IQCJ: variants seen among roughly 807,000 people sequenced by gnomAD.
The protein encoded by IQCJ is IQ domain-containing protein J.
A neutral mutation model predicts 11.0 loss-of-function variants in IQCJ; 9 were observed. The observed-to-expected ratio is 0.82, with a 90% CI of 0.49 to 1.43. IQCJ has a LOEUF of 1.43. IQCJ is among the 40% of genes most tolerant of loss of function. The pLI is 0.00. For synonymous variants in IQCJ, 55 were observed against 51.3 expected (o/e 1.07, Z -0.31); for missense variants, 146 against 133.2 (o/e 1.10, Z -0.47).
chr3:159,127,446 T>A (rs1719739498), intron 1 of IQCJ, among the ~76,000 whole-genome samples: 1 of 152,232 alleles, frequency 6.6e-6, no homozygotes, highest in South Asian at 2.1e-4. Flanking sequence ...ATGCTTATAA[T>A]GTATCCTGGT....
chr3:159,217,452 C>T (rs79768054), intron 1 of IQCJ, among the ~76,000 whole-genome samples: 25 of 152,194 alleles, frequency 1.6e-4, no homozygotes, highest in Admixed American at 2.6e-4. Flanking sequence ...GTTTGTAAGA[C>T]ATAATTTCTG....
At chr3:159,216,600 G>A (rs1160446626) in intron 1 of IQCJ, among the ~76,000 whole-genome samples, 4 of 152,144 alleles carry the variant, frequency 2.6e-5, no homozygotes, top group Non-Finnish European at 5.9e-5. Context: ...CCATTATGGT[G>A]CCCTTTGTTT....
intron 1 of IQCJ, among the ~76,000 whole-genome samples, chr3:159,187,219 GA>G (rs1167552057): frequency 3.3e-5 from 5 of 152,220 alleles, no homozygotes; most frequent in African/African-American, 1.2e-4. Context: ...GGTGAACAGA[GA>G]GAAAAGGCTA....
chr3:159,252,579 T>C (rs1727663649), intron 2 of IQCJ, 148 bp from the exon 3 acceptor site: 3 of 646,820 alleles, frequency 4.6e-6, no homozygotes, highest in Non-Finnish European at 7.2e-6. Flanking sequence ...TACTCATCCA[T>C]CATCCATCAA....
intron 1 of IQCJ, among the ~76,000 whole-genome samples, chr3:159,168,027 C>A (rs1722273107): frequency 6.6e-6 from 1 of 152,176 alleles, no homozygotes; most frequent in Non-Finnish European, 1.5e-5. Context: ...CCCAGGTGAG[C>A]TGGCCTTTTT....
chr3:159,155,061 G>A (rs984745170), intron 1 of IQCJ, among the ~76,000 whole-genome samples: 8 of 152,164 alleles, frequency 5.3e-5, no homozygotes, highest in African/African-American at 1.7e-4. Context: ...AAATGAAGCA[G>A]AAATTGCCTA....
chr3:159,246,499 T>C (rs1727279808), intron 2 of IQCJ, among the ~76,000 whole-genome samples: 1 of 152,160 alleles, frequency 6.6e-6, no homozygotes, highest in Non-Finnish European at 1.5e-5. Context: ...CCATGTATAC[T>C]CAGCTAGTGA....
Position 159,262,827 on chromosome 3 carries a change from C to G in IQCJ, c.*96C>G, listed in dbSNP as rs1728296105. The G allele has an allele frequency of 6.8e-7, 1 of 1,462,556 alleles. No individual in the cohort carries two copies. Among genetic ancestry groups the G allele is most frequent in the Admixed American group, 2.4e-5 (1 of 42,294 alleles). 90.6% of individuals were successfully genotyped at this position (1,462,556 alleles called of 1,614,324 possible). A position where few individuals can be genotyped will look rare whatever the true frequency, so the allele number is the denominator to read the frequency against. Reference sequence around the variant, plus strand: ...TGTAGCTTATTTGCTACCCAGGAACCCATGGTGAGAGTTTTGTCACCTCAA... The same window carrying G: ...TGTAGCTTATTTGCTACCCAGGAACGCATGGTGAGAGTTTTGTCACCTCAA... On this transcript the variant is annotated 3_prime_UTR_variant, in exon 4 of 4. Coordinates refer to ENST00000397832, the MANE Select transcript of IQCJ (RefSeq NM_001042706.3).
rs1346802276 is a variant in IQCJ, at chr3:159,263,641, T to C, written c.*910T>C. 1 of 985,256 alleles carries C rather than the reference T, an allele frequency of 1.0e-6. No individual in the cohort carries two copies. Among genetic ancestry groups the C allele is most frequent in the African/African-American group, 1.7e-5 (1 of 57,254 alleles). 61.0% of individuals were successfully genotyped at this position (985,256 alleles called of 1,614,324 possible). On this transcript the variant is annotated 3_prime_UTR_variant, in exon 4 of 4. Coordinates refer to ENST00000397832, the MANE Select transcript of IQCJ (RefSeq NM_001042706.3). ...TTTGGTTATCATGTTTATTCTGTGG[T>C]AAAAAGGTTTCCCAACACTCAACGC... is the stretch of plus-strand genomic sequence containing the variant.
downstream of IQCJ, chr3:159,263,772 AAG>A (rs1194919980): frequency 1.0e-6 from 1 of 985,188 alleles, no homozygotes; most frequent in Non-Finnish European, 1.2e-6. Flanking sequence ...TATGGATTTA[AAG>A]AGAGAGAATA....
At chr3:159,242,278 T>C (rs142659724) in intron 1 of IQCJ, among the ~76,000 whole-genome samples, 1 of 152,168 alleles carries the variant, frequency 6.6e-6, no homozygotes, top group African/African-American at 2.4e-5. Flanking sequence ...CACTGAATTA[T>C]GAAGAAGAAA....
At chr3:159,129,551 C>G (rs559640813) in intron 1 of IQCJ, among the ~76,000 whole-genome samples, 2 of 152,022 alleles carry the variant, frequency 1.3e-5, no homozygotes, top group Non-Finnish European at 2.9e-5. Context: ...CCAAATTTCT[C>G]TGTGTAATAG....
At chr3:159,166,922 C>T (rs1722199896) in intron 1 of IQCJ, among the ~76,000 whole-genome samples, 1 of 152,128 alleles carries the variant, frequency 6.6e-6, no homozygotes, top group South Asian at 2.1e-4. Flanking sequence ...GGGCATGTGT[C>T]TAATGCATCT....
chr3:159,192,420 G>T (rs1282727730), intron 1 of IQCJ, among the ~76,000 whole-genome samples: 1 of 152,158 alleles, frequency 6.6e-6, no homozygotes, highest in Non-Finnish European at 1.5e-5. Flanking sequence ...ACTTCTTGGG[G>T]AGTGGTTTTA....
At chr3:159,088,218 G>T (rs949420084) in intron 1 of IQCJ, among the ~76,000 whole-genome samples, 4 of 152,094 alleles carry the variant, frequency 2.6e-5, no homozygotes, top group African/African-American at 4.8e-5. Flanking sequence ...TTTCCATGTA[G>T]TTGAGCGGTT....
intron 1 of IQCJ, among the ~76,000 whole-genome samples, chr3:159,173,263 T>C (rs1298157149): frequency 6.6e-6 from 1 of 152,224 alleles, no homozygotes; most frequent in Non-Finnish European, 1.5e-5. Context: ...CTTTTCATTG[T>C]ACCAATCATT....
chr3:159,101,023 T>G (rs1717860109), intron 1 of IQCJ, among the ~76,000 whole-genome samples: 1 of 20,980 alleles, frequency 4.8e-5, no homozygotes, highest in Admixed American at 4.6e-4. Flanking sequence ...TCAGCGAGAT[T>G]CCGTGGGCGT....
chr3:159,185,124 C>T (rs1364404299), intron 1 of IQCJ, among the ~76,000 whole-genome samples: 2 of 152,144 alleles, frequency 1.3e-5, no homozygotes, highest in African/African-American at 4.8e-5. Context: ...CATTACAATC[C>T]ATAACAGAAA....
chr3:159,094,750 CTTTTG>C (rs762356040), intron 1 of IQCJ, among the ~76,000 whole-genome samples: 13 of 151,726 alleles, frequency 8.6e-5, no homozygotes, highest in Non-Finnish European at 1.5e-4. Flanking sequence ...ACTTCATGGA[CTTTTG>C]TTTTGGGAAA....
Sources: allele counts gnomAD v4.1 joint callset (sites outside exome capture counted in the v4.1 genomes callset), GRCh38; gene constraint gnomAD v4.1.1; transcripts MANE v1.5; gene names NCBI Gene and HGNC (gene_info 2026-07-23, HGNC 2026-07-21).